Variants in DDX4 observed in about 807,000 individuals in gnomAD.
DDX4 encodes the protein probable ATP-dependent RNA helicase DDX4.
In DDX4, 25 loss-of-function variants were observed where a neutral mutation model predicts 100.0. The observed-to-expected ratio is 0.25, with a 90% CI of 0.18 to 0.35. The LOEUF (loss-of-function observed/expected upper bound fraction) is 0.35, where lower values mean the gene tolerates loss of function less well. Among genes scored for constraint, DDX4 ranks in the 10% least tolerant of loss-of-function variants. DDX4 has a pLI of 1.00. For synonymous variants in DDX4, 259 were observed against 275.7 expected, an observed-to-expected ratio of 0.94 and a Z score of 0.60; for missense variants, 635 against 882.4, an observed-to-expected ratio of 0.72 and a Z score of 3.55.
chr5:55,781,010 C>T (rs960911106), intron 8 of DDX4, 56 bp from the exon 9 acceptor site: 36 of 1,493,756 alleles, frequency 2.4e-5, no homozygotes, highest in South Asian at 1.1e-4. Flanking sequence ...GTTTACTGAA[C>T]GATTAAAAAA....
At position 55,787,915 on chromosome 5, in the gene DDX4, T is replaced by C. The variant is rs774091598; in HGVS notation, c.1087T>C (p.Leu363=). 3 of 1,613,734 alleles carry C rather than the reference T, an allele frequency of 1.9e-6. No homozygotes were observed. The highest frequency in any genetic ancestry group is 2.2e-5 in the East Asian group (1 of 44,850). The part of the protein sequence containing the change: ...DGITASRFKE[L]QEPECIIVAP... ...AATAACTGCCAGTCGTTTTAAAGAG[T>C]TGCAGGAACCAGAGTGTATTATTGT... The change falls in exon 15 of 22, where the codon TTG becomes CTG. Residue 363 remains leucine (L), a synonymous_variant. Transcript: ENST00000505374.
At position 55,815,017 on chromosome 5, in the gene DDX4, A is replaced by G. The variant is rs1412482073; in HGVS notation, c.1832A>G (p.His611Arg). The G allele has an allele frequency of 1.2e-6, 2 of 1,614,214 alleles. No individual in the cohort carries two copies. Among genetic ancestry groups the G allele is most frequent in the East Asian group, 2.2e-5 (1 of 44,882 alleles). ...ARGLDIENVQ[H>R]VINFDLPSTI... The stretch of plus-strand genomic sequence containing the variant: ...GGGCTGGATATTGAAAATGTGCAAC[A>G]TGTTATCAATTTTGATCTTCCTTCT... The change falls in exon 20 of 22, where the codon CAT becomes CGT. Residue 611 changes from histidine to arginine, a missense_variant. By Grantham distance (29) the His-to-Arg change is conservative. Coordinates refer to ENST00000505374, the MANE Select transcript of DDX4 (RefSeq NM_024415.3).
At chr5:55,792,121 CTCAA>C (rs1742608840) in intron 16 of DDX4, among the ~76,000 whole-genome samples, 1 of 80,822 alleles carries the variant, frequency 1.2e-5, no homozygotes, top group Non-Finnish European at 2.1e-5. Flanking sequence ...AAGACTCCTT[CTCAA>C]AAAAAAAAAA....
chr5:55,740,880 A>G (rs1463877231), intron 2 of DDX4, among the ~76,000 whole-genome samples: 2 of 152,124 alleles, frequency 1.3e-5, no homozygotes, highest in African/African-American at 4.8e-5. Flanking sequence ...ATTCCATATT[A>G]CAACTTTTGT....
chr5:55,771,128 G>A (rs1741227929), intron 7 of DDX4, among the ~76,000 whole-genome samples: 1 of 152,040 alleles, frequency 6.6e-6, no homozygotes, highest in Non-Finnish European at 1.5e-5. Context: ...ATACACGTGT[G>A]TATATATGTT....
chr5:55,763,675 G>A (rs1383070760), intron 5 of DDX4, among the ~76,000 whole-genome samples: 1 of 152,134 alleles, frequency 6.6e-6, no homozygotes, highest in African/African-American at 2.4e-5. Context: ...GATTGAGTTT[G>A]TAAAATTTTG....
chr5:55,810,596 C>T (rs1744067024), intron 18 of DDX4, among the ~76,000 whole-genome samples: 1 of 152,088 alleles, frequency 6.6e-6, no homozygotes, highest in Admixed American at 6.5e-5. Flanking sequence ...TATCTATTCT[C>T]TTTAATCTTG....
Position 55,785,273 on chromosome 5 carries a change from G to A in DDX4, c.626-24G>A, listed in dbSNP as rs374332445. 1.8e-4 allele frequency: 279 copies of A among 1,530,936 alleles called. No homozygotes were observed. In the South Asian group the frequency reaches 3.0e-3, roughly 16 times the overall value. The allele number at this position is 1,530,936 out of a possible 1,614,324, so 94.8% of individuals were successfully genotyped here. On this transcript the variant is annotated intron_variant, in intron 10 of 21. Coordinates refer to ENST00000505374, the MANE Select transcript of DDX4 (RefSeq NM_024415.3). ...GCACAGCCTTACATCTTGACCGATT[G>A]TCACTTATGAATTTCTTTAATAGGT... is the stretch of plus-strand genomic sequence containing the variant.
chr5:55,769,564 G>A (rs1030204253), intron 7 of DDX4, among the ~76,000 whole-genome samples: 17 of 152,038 alleles, frequency 1.1e-4, no homozygotes, highest in Non-Finnish European at 2.4e-4. Context: ...AAAATCAGTG[G>A]CATTCCTATC....
rs781024271 is a variant in DDX4, at chr5:55,790,709, C to T, written c.1302+4C>T. ...GGATATCATAGGCAAAGAAAAGGTA[C>T]GCCTTATAGGAATAATGAAGTTGTG... On this transcript the variant is annotated splice_donor_region_variant and intron_variant, in intron 16 of 21. Coordinates refer to ENST00000505374, the MANE Select transcript of DDX4 (RefSeq NM_024415.3). 18 of 1,609,976 alleles carry T rather than the reference C, an allele frequency of 1.1e-5. No individual in the cohort carries two copies. Among genetic ancestry groups the T allele is most frequent in the Middle Eastern group, 3.3e-4 (2 of 6,078 alleles).
chr5:55,770,071 T>C (rs1741161351), intron 7 of DDX4, among the ~76,000 whole-genome samples: 1 of 152,122 alleles, frequency 6.6e-6, no homozygotes. Flanking sequence ...TTTCACTATG[T>C]TGGCCAGGCT....
intron 18 of DDX4, among the ~76,000 whole-genome samples, chr5:55,812,378 G>A (rs915978048): frequency 1.3e-5 from 2 of 152,120 alleles, no homozygotes; most frequent in Admixed American, 6.5e-5. Context: ...TGGCTAACAC[G>A]GTGAAACCCC....
chr5:55,748,592 T>C (rs575197230), intron 3 of DDX4, among the ~76,000 whole-genome samples: 1 of 152,318 alleles, frequency 6.6e-6, no homozygotes, highest in South Asian at 2.1e-4. Context: ...GATTGCCTGC[T>C]TACCTTCTTC....
intron 4 of DDX4, among the ~76,000 whole-genome samples, chr5:55,761,996 A>G (rs1416441223): frequency 6.6e-6 from 1 of 152,214 alleles, no homozygotes; most frequent in Non-Finnish European, 1.5e-5. Context: ...ATTGCTTAAA[A>G]TATCGACTAG....
intron 3 of DDX4, among the ~76,000 whole-genome samples, chr5:55,755,000 T>C (rs1281949649): frequency 6.6e-6 from 1 of 152,198 alleles, no homozygotes; most frequent in African/African-American, 2.4e-5. Flanking sequence ...GTAACCATTT[T>C]TAAATGTACC....
chr5:55,753,529 A>G (rs1333021944), intron 3 of DDX4, among the ~76,000 whole-genome samples: 2 of 152,194 alleles, frequency 1.3e-5, no homozygotes, highest in African/African-American at 2.4e-5. Context: ...CCATTGGTCT[A>G]TATCTCTGTT....
At chr5:55,744,399 C>T (rs1156470618) in intron 2 of DDX4, among the ~76,000 whole-genome samples, 1 of 152,000 alleles carries the variant, frequency 6.6e-6, no homozygotes, top group Non-Finnish European at 1.5e-5. Context: ...GAGCCGTATT[C>T]TGAACTTTTG....
At chr5:55,751,230 C>CT (rs561831549) in intron 3 of DDX4, among the ~76,000 whole-genome samples, 23 of 151,896 alleles carry the variant, frequency 1.5e-4, no homozygotes, top group Middle Eastern at 6.8e-3. Context: ...AAAGTAAAAT[C>CT]TTTTTTTTGT....
At position 55,765,824 on chromosome 5, in the gene DDX4, A is replaced by G. The variant is rs189656176; in HGVS notation, c.334+1760A>G. Among the ~76,000 whole-genome samples, 590 of 152,270 alleles carry G rather than the reference A, an allele frequency of 3.9e-3. 1 individual carries two copies. Among genetic ancestry groups the G allele is most frequent in the Non-Finnish European group, 6.8e-3 (463 of 68,010 alleles). On this transcript the variant is annotated intron_variant, in intron 6 of 21. Transcript: ENST00000505374. ...TATGTGTTGTTATTATTATTTTTCG[A>G]GACGGAGTCTCGCACTGTCACCTGG...
Sources: allele counts gnomAD v4.1 joint callset (sites outside exome capture counted in the v4.1 genomes callset), GRCh38; gene constraint gnomAD v4.1.1; transcripts MANE v1.5; gene names NCBI Gene and HGNC (gene_info 2026-07-23, HGNC 2026-07-21).